The following AP3B1 variants were observed in gnomAD, a reference collection of about 807,000 sequenced individuals.
AP3B1 encodes adaptor related protein complex 3 subunit beta 1.
A neutral mutation model predicts 132.5 loss-of-function variants in AP3B1; 61 were observed. The ratio of observed to expected loss-of-function variants is 0.46; its 90% CI spans 0.37 to 0.57. AP3B1 has a LOEUF of 0.57. Among genes scored for constraint, AP3B1 ranks in the 20% least tolerant of loss-of-function variants. The pLI, the probability that AP3B1 is intolerant of heterozygous loss-of-function variation, is 0.00. For synonymous variants in AP3B1, 388 were observed against 438.3 expected (o/e 0.89, Z 1.43); for missense variants, 1,120 against 1,289.4 (o/e 0.87, Z 2.01).
intron 21 of AP3B1, among the ~76,000 whole-genome samples, chr5:78,094,616 TA>T (rs1397230373): frequency 6.6e-6 from 1 of 152,120 alleles, no homozygotes; most frequent in Non-Finnish European, 1.5e-5. Flanking sequence ...CCCTCCTCCA[TA>T]ACTTTATTCT....
chr5:78,189,662 G>T (rs184604152), intron 7 of AP3B1, among the ~76,000 whole-genome samples: 1 of 151,858 alleles, frequency 6.6e-6, no homozygotes, highest in Non-Finnish European at 1.5e-5. Flanking sequence ...CTGAGGTCAC[G>T]AGTTCAAGAC....
chr5:78,178,523 G>A (rs973721665), intron 8 of AP3B1, among the ~76,000 whole-genome samples: 1 of 152,088 alleles, frequency 6.6e-6, no homozygotes, highest in Non-Finnish European at 1.5e-5. Context: ...TTGGGAGGTT[G>A]GGACACGAGA....
Position 78,181,617 on chromosome 5 carries a change from C to T in AP3B1, c.832G>A (p.Asp278Asn). 1.2e-6 allele frequency: 2 copies of T among 1,611,646 alleles called. No homozygotes were observed. Among genetic ancestry groups the T allele is most frequent in the Non-Finnish European group, 1.7e-6 (2 of 1,178,728 alleles). ...TTGTCAGTCTTTTCCTTCTGATCATCATCAGATTCGTAGAAATTCTTTCCA... is the reference window on the plus strand; with the variant it reads ...TTGTCAGTCTTTTCCTTCTGATCATTATCAGATTCGTAGAAATTCTTTCCA... Reference protein sequence around the residue: ...DNGKNFYESDDDQKEKTDKKK... With the variant: ...DNGKNFYESDNDQKEKTDKKK... Residue 278 changes from aspartate (D) to asparagine (N), a missense_variant, in exon 8 of 27, where the codon GAT becomes AAT. This residue lies in a region of AP3B1 where 906 missense variants were observed against 997.1 expected (regional missense o/e 0.91). Coordinates refer to ENST00000255194, the MANE Select transcript of AP3B1 (RefSeq NM_003664.5).
chr5:78,105,112 T>C (rs1332212084), intron 20 of AP3B1, among the ~76,000 whole-genome samples: 1 of 152,172 alleles, frequency 6.6e-6, no homozygotes, highest in Non-Finnish European at 1.5e-5. Flanking sequence ...AATGTTCATA[T>C]AAGGAAAATA....
At chr5:78,167,932 C>T (rs1393582641) in intron 11 of AP3B1, among the ~76,000 whole-genome samples, 2 of 148,596 alleles carry the variant, frequency 1.3e-5, no homozygotes, top group Non-Finnish European at 3.0e-5. Flanking sequence ...GCTTGGGTGA[C>T]GGGTGCACCG....
chr5:78,062,349 A>G (rs1336376965), intron 22 of AP3B1, among the ~76,000 whole-genome samples: 1 of 152,200 alleles, frequency 6.6e-6, no homozygotes, highest in Non-Finnish European at 1.5e-5. Context: ...ATATTGCTAG[A>G]AGAGGTACTT....
intron 3 of AP3B1, among the ~76,000 whole-genome samples, chr5:78,232,123 C>T (rs1011712785): frequency 3.9e-5 from 6 of 152,150 alleles, no homozygotes; most frequent in African/African-American, 1.2e-4. Context: ...AGGGGTGAAT[C>T]TCATCTTTCC....
At chr5:78,116,319 T>C in intron 17 of AP3B1, 85 bp from the exon 18 acceptor site, 1 of 1,258,662 alleles carries the variant, frequency 7.9e-7, no homozygotes, top group South Asian at 1.2e-5. Flanking sequence ...ACAACATAAC[T>C]GAATTCAAAA....
intron 1 of AP3B1, among the ~76,000 whole-genome samples, chr5:78,274,864 TG>T (rs1013144468): frequency 1.3e-5 from 2 of 152,106 alleles, no homozygotes; most frequent in Admixed American, 1.3e-4. Context: ...AGTTCAAGGC[TG>T]CAGTGAGCTA....
intron 11 of AP3B1, among the ~76,000 whole-genome samples, chr5:78,166,499 C>T (rs1056098141): frequency 6.6e-6 from 1 of 152,114 alleles, no homozygotes; most frequent in African/African-American, 2.4e-5. Context: ...AATACTCAGA[C>T]ATTTTAATTC....
chr5:78,237,707 G>T (rs572812526), intron 3 of AP3B1, among the ~76,000 whole-genome samples: 12 of 152,114 alleles, frequency 7.9e-5, no homozygotes, highest in Non-Finnish European at 1.5e-4. Context: ...CAGCTGCTCG[G>T]GAGGCTGAGG....
intron 7 of AP3B1, among the ~76,000 whole-genome samples, chr5:78,189,012 G>A (rs1311700017): frequency 6.6e-6 from 1 of 152,158 alleles, no homozygotes; most frequent in African/African-American, 2.4e-5. Flanking sequence ...ACTTATAAGT[G>A]AGAACTGAAC....
At chr5:78,000,844 A>C (rs1429894085), downstream of AP3B1, 1 of 152,200 alleles carries the variant, frequency 6.6e-6, no homozygotes. Context: ...GAATCACCAC[A>C]CCACAAAAGA....
intron 2 of AP3B1, among the ~76,000 whole-genome samples, chr5:78,250,280 A>G: frequency 6.6e-6 from 1 of 152,168 alleles, no homozygotes; most frequent in Non-Finnish European, 1.5e-5. Flanking sequence ...CCTATTCCCA[A>G]AGAATACTTA....
At chr5:78,280,307 A>G (rs1209947139) in intron 1 of AP3B1, among the ~76,000 whole-genome samples, 5 of 152,176 alleles carry the variant, frequency 3.3e-5, no homozygotes, top group African/African-American at 1.2e-4. Flanking sequence ...ACACTTCTGT[A>G]TAAGTCAAAA....
chr5:78,015,446 A>G lies in AP3B1; in HGVS notation c.3095T>C (p.Val1032Ala). ...IFQKVVNVAN[V>A]GAVPSGQDNI... Reference sequence around the variant, plus strand: ...ATCCTGGCCAGAAGGGACTGCACCTACATTGGCTACATTTACAACCTTCTG... The same window carrying G: ...ATCCTGGCCAGAAGGGACTGCACCTGCATTGGCTACATTTACAACCTTCTG... Residue 1032 changes from valine to alanine, a missense_variant, in exon 26 of 27, where the codon GTA becomes GCA. Val to Ala is a moderately conservative substitution (Grantham distance 64). Around this residue, in one of 3 missense-constraint regions of AP3B1, gnomAD observed 906 missense variants for 997.1 expected, o/e 0.91. Transcript: ENST00000255194. 1 of 1,613,922 alleles carries G rather than the reference A, an allele frequency of 6.2e-7. No homozygotes were observed. Among genetic ancestry groups the G allele is most frequent in the African/African-American group, 1.3e-5 (1 of 75,048 alleles).
At position 78,203,975 on chromosome 5, in the gene AP3B1, T is replaced by C. The variant is rs574467049; in HGVS notation, c.786+12080A>G. ...CTCTATACATACTGATACTCTCTAC[T>C]TGGAGAGTCATTGTTTTCCTGGTTT... On this transcript the variant is annotated intron_variant, in intron 7 of 26. Transcript: ENST00000255194. Among the ~76,000 whole-genome samples, 3 of 152,314 alleles carry C rather than the reference T, an allele frequency of 2.0e-5. No individual in the cohort carries two copies. The South Asian group carries it at 6.2e-4, about 32-fold the overall frequency.
chr5:78,016,574 A>C (rs1013462243), intron 25 of AP3B1, among the ~76,000 whole-genome samples: 5 of 152,136 alleles, frequency 3.3e-5, no homozygotes, highest in African/African-American at 7.2e-5. Flanking sequence ...TCATGTTTTC[A>C]AAAGACTCTG....
intron 6 of AP3B1, among the ~76,000 whole-genome samples, chr5:78,216,542 T>A (rs978558176): frequency 1.3e-5 from 2 of 152,184 alleles, no homozygotes; most frequent in Admixed American, 1.3e-4. Context: ...ATCACGCACA[T>A]TTTTCATGTT....
Sources: gnomAD v4.1 joint callset for allele counts (sites outside exome capture counted in the v4.1 genomes callset) on GRCh38, gnomAD v4.1.1 for gene constraint, gnomAD v4.1.1 regional missense constraint, MANE v1.5 for transcripts, NCBI Gene and HGNC (gene_info 2026-07-23, HGNC 2026-07-21) for gene names.